Variants in SMG1 observed in about 807,000 individuals in gnomAD.
The protein encoded by SMG1 is SMG1 nonsense mediated mRNA decay associated PI3K related kinase, also known as serine/threonine-protein kinase SMG1.
In SMG1, 22 loss-of-function variants were observed where a neutral mutation model predicts 419.9. The observed-to-expected ratio is 0.05, with a 90% CI of 0.04 to 0.07. SMG1 has a LOEUF of 0.07. SMG1 is among the 10% of genes least tolerant of loss of function. SMG1 has a pLI of 1.00. For missense variants in SMG1, 3,185 were observed against 4,342.0 expected, an observed-to-expected ratio of 0.73 and a Z score of 7.49; for synonymous variants, 1,538 against 1,553.5, an observed-to-expected ratio of 0.99 and a Z score of 0.23.
intron 1 of SMG1, among the ~76,000 whole-genome samples, chr16:18,899,730 T>TA (rs2037274167): frequency 6.6e-6 from 1 of 152,106 alleles, no homozygotes; most frequent in African/African-American, 2.4e-5. Flanking sequence ...GCATGAATGT[T>TA]AGGCTAGTTA....
At chr16:18,875,775 A>T (rs1374889028) in intron 13 of SMG1, 1 of 333,196 alleles carries the variant, frequency 3.0e-6, no homozygotes, top group Non-Finnish European at 5.4e-6. Context: ...GGAAGAAGAA[A>T]GAGACCGCAT....
chr16:18,818,352 T>G (rs2032207026), intron 56 of SMG1, among the ~76,000 whole-genome samples: 1 of 151,936 alleles, frequency 6.6e-6, no homozygotes, highest in African/African-American at 2.4e-5. Flanking sequence ...GCCACTGCAC[T>G]ACAGCCTGGG....
intron 1 of SMG1, among the ~76,000 whole-genome samples, chr16:18,906,996 A>T (rs1211370487): frequency 1.3e-5 from 2 of 152,166 alleles, no homozygotes; most frequent in Admixed American, 1.3e-4. Context: ...CTTTTTTAAA[A>T]ATTCTTGGCT....
chr16:18,839,701 C>T lies in SMG1; in HGVS notation c.6942G>A (p.Thr2314=), dbSNP rs750334267. The T allele has an allele frequency of 4.3e-6, 7 of 1,614,006 alleles. No individual in the cohort carries two copies. The highest frequency in any genetic ancestry group is 4.5e-5 in the East Asian group (2 of 44,892). ...CTTPDEWWRV[T]QSYARSTAVM... is the part of the protein sequence containing the mutation. ...TAGTCTAAAACAAAGCACATACCTGCGTAACTCTCCACCATTCATCAGGTG... is the reference window on the plus strand; with the variant it reads ...TAGTCTAAAACAAAGCACATACCTGTGTAACTCTCCACCATTCATCAGGTG... The change falls in exon 42 of 63, where the codon ACG becomes ACA. Residue 2314 remains threonine, a synonymous_variant. Coordinates refer to ENST00000446231, the MANE Select transcript of SMG1 (RefSeq NM_015092.5).
intron 51 of SMG1, among the ~76,000 whole-genome samples, chr16:18,831,774 C>CATATATATATAT (rs67247211): frequency 1.5e-5 from 2 of 129,262 alleles, no homozygotes; most frequent in Admixed American, 8.7e-5. Flanking sequence ...AAAAAAAATA[C>CATATATATATAT]ATATATATAT....
At chr16:18,810,109 G>C (rs536226718) in intron 62 of SMG1, among the ~76,000 whole-genome samples, 39 of 152,116 alleles carry the variant, frequency 2.6e-4, no homozygotes, top group African/African-American at 9.4e-4. Context: ...AACCATGGAA[G>C]AACAGGATAT....
chr16:18,888,745 C>A (rs1361482309), intron 6 of SMG1, among the ~76,000 whole-genome samples: 2 of 151,266 alleles, frequency 1.3e-5, no homozygotes, highest in Non-Finnish European at 2.9e-5. Context: ...GGATTATAGG[C>A]ATATAGGCCA....
chr16:18,884,208 A>G (rs765076085), intron 8 of SMG1, 41 bp from the exon 9 acceptor site: 6 of 979,850 alleles, frequency 6.1e-6, no homozygotes, highest in East Asian at 2.4e-5. Context: ...TAGGGGGGAA[A>G]AAAACACCAA....
chr16:18,813,611 T>C (rs992253384), intron 60 of SMG1, among the ~76,000 whole-genome samples: 1 of 152,196 alleles, frequency 6.6e-6, no homozygotes, highest in Non-Finnish European at 1.5e-5. Flanking sequence ...ATTCTGTAGG[T>C]TGCCTGTTCA....
intron 1 of SMG1, among the ~76,000 whole-genome samples, chr16:18,918,267 AAAAC>A (rs369589268): frequency 4.0e-4 from 61 of 152,198 alleles, no homozygotes; most frequent in African/African-American, 1.1e-3. Context: ...TCCGTCTCCA[AAAAC>A]AAACAAACAA....
intron 1 of SMG1, among the ~76,000 whole-genome samples, chr16:18,900,842 C>T (rs1352311873): frequency 6.6e-6 from 1 of 152,110 alleles, no homozygotes; most frequent in East Asian, 1.9e-4. Context: ...AAATGATTTA[C>T]CCTTCAAAAA....
At chr16:18,865,999 A>T (rs1280386962) in intron 23 of SMG1, 2 of 152,536 alleles carry the variant, frequency 1.3e-5, no homozygotes, top group African/African-American at 4.8e-5. Flanking sequence ...TGAGTGGGAA[A>T]AACAGATCAT....
chr16:18,861,889 T>G (rs976733889), intron 25 of SMG1, among the ~76,000 whole-genome samples: 7 of 152,290 alleles, frequency 4.6e-5, no homozygotes, highest in Admixed American at 2.0e-4. Context: ...TTTGACTGCT[T>G]TCCTTGAGGC....
At position 18,809,101 on chromosome 16, in the gene SMG1, G is replaced by A. The variant is rs191233092; in HGVS notation, c.*468C>T. 1.8e-4 allele frequency: 29 copies of A among 161,280 alleles called. No homozygotes were observed. In the East Asian group the frequency reaches 4.2e-3, roughly 24 times the overall value. 10.0% of individuals were successfully genotyped at this position (161,280 alleles called of 1,614,324 possible). A position where few individuals can be genotyped will look rare whatever the true frequency, so the allele number is the denominator to read the frequency against. The stretch of plus-strand genomic sequence containing the variant: ...TGTTGCCAAGCAACAAGTGTTACAC[G>A]AGAATCTGAATGCATCAAATCTTCC... On this transcript the variant is annotated 3_prime_UTR_variant, in exon 63 of 63. Coordinates refer to ENST00000446231, the MANE Select transcript of SMG1 (RefSeq NM_015092.5).
intron 29 of SMG1, chr16:18,856,233 G>C (rs1240415647): frequency 6.6e-6 from 1 of 152,096 alleles, no homozygotes; most frequent in African/African-American, 2.4e-5. Context: ...CATGATCATA[G>C]CTCGCTGCAG....
At chr16:18,850,524 G>T (rs2034531541) in intron 33 of SMG1, 57 bp from the exon 34 acceptor site, 1 of 1,234,680 alleles carries the variant, frequency 8.1e-7, no homozygotes. Flanking sequence ...AAGGGAAAAA[G>T]GTATGTAATT....
intron 60 of SMG1, among the ~76,000 whole-genome samples, 167 bp downstream of exon 60, chr16:18,815,008 G>A (rs370534839): frequency 1.3e-5 from 2 of 151,370 alleles, no homozygotes; most frequent in Admixed American, 6.6e-5. Context: ...GTGAGCCATC[G>A]TGCCTGGCTT....
rs1426896657 is a variant in SMG1, at chr16:18,850,086, T to C, written c.5324A>G (p.His1775Arg). Residue 1775 changes from histidine to arginine, a missense_variant, in exon 35 of 63, where the codon CAC becomes CGC. Around this residue, in one of 27 missense-constraint regions of SMG1, gnomAD observed 493 missense variants for 552.9 expected, o/e 0.89. Coordinates refer to ENST00000446231, the MANE Select transcript of SMG1 (RefSeq NM_015092.5). ...DEDDPRLHLSHRVEQSTDDMI... is the reference protein window; with the variant it reads ...DEDDPRLHLSRRVEQSTDDMI... ...GTCATCAGTGCTCTGTTCCACTCTG[T>C]GACTTAAATGCAGCCTAGGGTCATC... 4 of 1,613,850 alleles carry C rather than the reference T, an allele frequency of 2.5e-6. No homozygotes were observed. Among genetic ancestry groups the C allele is most frequent in the Non-Finnish European group, 2.5e-6 (3 of 1,179,900 alleles).
chr16:18,845,405 A>T (rs566896628), intron 39 of SMG1, 24 bp downstream of exon 39: 7 of 1,581,340 alleles, frequency 4.4e-6, no homozygotes, highest in Non-Finnish European at 6.1e-6. Flanking sequence ...CCATTTCAGT[A>T]GCATGCTTGG....
Sources: allele counts gnomAD v4.1 joint callset (sites outside exome capture counted in the v4.1 genomes callset), GRCh38; gene constraint gnomAD v4.1.1; regional missense constraint gnomAD v4.1.1; transcripts MANE v1.5; gene names NCBI Gene and HGNC (gene_info 2026-07-23, HGNC 2026-07-21).